GMDS: variants seen among roughly 807,000 people sequenced by gnomAD.
The protein encoded by GMDS is GDP-mannose 4,6-dehydratase.
In GMDS, 20 loss-of-function variants were observed where a neutral mutation model predicts 49.9. The ratio of observed to expected loss-of-function variants is 0.40; its 90% confidence interval spans 0.28 to 0.58. GMDS has a LOEUF of 0.58. Ranked by LOEUF, GMDS falls within the 20% of genes least tolerant of loss-of-function variation. The pLI is 0.42. For missense variants in GMDS, 362 were observed against 481.4 expected, an observed-to-expected ratio of 0.75 and a Z score of 2.32; for synonymous variants, 177 against 178.6, an observed-to-expected ratio of 0.99 and a Z score of 0.07.
chr6:2,219,488 G>T (rs1780486018), intron 1 of GMDS, among the ~76,000 whole-genome samples: 1 of 152,118 alleles, frequency 6.6e-6, no homozygotes, highest in African/African-American at 2.4e-5. Context: ...TAAAGAACTA[G>T]TTATTGTCAG....
At chr6:2,091,868 C>T (rs1482412310) in intron 4 of GMDS, among the ~76,000 whole-genome samples, 2 of 151,732 alleles carry the variant, frequency 1.3e-5, no homozygotes. Flanking sequence ...TGCACTCCAA[C>T]CTGGGCGACA....
intron 7 of GMDS, among the ~76,000 whole-genome samples, chr6:1,835,123 A>G (rs1056337353): frequency 7.2e-5 from 11 of 152,298 alleles, no homozygotes; most frequent in African/African-American, 2.6e-4. Flanking sequence ...CGGGGCAAAT[A>G]ACACGGACGG....
At chr6:2,052,526 T>A (rs564046990) in intron 4 of GMDS, among the ~76,000 whole-genome samples, 1 of 152,282 alleles carries the variant, frequency 6.6e-6, no homozygotes, top group South Asian at 2.1e-4. Context: ...AACTGAAATA[T>A]CTTTGCCATC....
intron 1 of GMDS, among the ~76,000 whole-genome samples, chr6:2,192,903 A>T (rs890276304): frequency 1.3e-5 from 2 of 152,216 alleles, no homozygotes; most frequent in African/African-American, 4.8e-5. Flanking sequence ...TTGGACAAAG[A>T]CACCACTGGC....
At chr6:2,193,925 A>G (rs992447566) in intron 1 of GMDS, among the ~76,000 whole-genome samples, 1 of 151,890 alleles carries the variant, frequency 6.6e-6, no homozygotes, top group Non-Finnish European at 1.5e-5. Flanking sequence ...GGGTTTCACC[A>G]TGTTAGCCAG....
chr6:1,956,817 CTT>C (rs201065361), intron 6 of GMDS, among the ~76,000 whole-genome samples: 4 of 146,880 alleles, frequency 2.7e-5, no homozygotes, highest in Admixed American at 6.8e-5. Flanking sequence ...CATTTATTAG[CTT>C]TTTTTTTTTT....
At chr6:1,848,575 C>T (rs181868279) in intron 7 of GMDS, among the ~76,000 whole-genome samples, 10 of 152,296 alleles carry the variant, frequency 6.6e-5, no homozygotes, top group Non-Finnish European at 1.0e-4. Context: ...TAAGTGACAA[C>T]CATGTGCCCA....
intron 4 of GMDS, among the ~76,000 whole-genome samples, chr6:1,973,415 G>A (rs1484536475): frequency 1.3e-5 from 2 of 152,192 alleles, no homozygotes; most frequent in Non-Finnish European, 2.9e-5. Context: ...TAGCACAGGA[G>A]TGAATAAAGG....
chr6:1,912,261 G>A (rs1252516136), intron 7 of GMDS, among the ~76,000 whole-genome samples: 1 of 152,172 alleles, frequency 6.6e-6, no homozygotes, highest in Admixed American at 6.5e-5. Context: ...AGCTACTTGG[G>A]AGGCTGAGGC....
At chr6:2,093,872 G>C (rs1773453219) in intron 4 of GMDS, among the ~76,000 whole-genome samples, 2 of 151,952 alleles carry the variant, frequency 1.3e-5, no homozygotes, top group African/African-American at 4.8e-5. Flanking sequence ...TGTCACTTTT[G>C]TATTATTAAA....
intron 1 of GMDS, among the ~76,000 whole-genome samples, chr6:2,169,410 C>T (rs1331219414): frequency 6.6e-6 from 1 of 151,900 alleles, no homozygotes; most frequent in African/African-American, 2.4e-5. Flanking sequence ...AGTTCGAGAC[C>T]AGCTTGGCCA....
At position 1,908,267 on chromosome 6, in the gene GMDS, T is replaced by C. The variant is rs867258145; in HGVS notation, c.771+21836A>G. ...AGGTGCACGATTTAAAACTTATGAATTATTTCTGTAATTTCCCATTTAATA... is the reference window on the plus strand; with the variant it reads ...AGGTGCACGATTTAAAACTTATGAACTATTTCTGTAATTTCCCATTTAATA... On this transcript the variant is annotated intron_variant, in intron 7 of 10. Transcript: ENST00000380815. Among the ~76,000 whole-genome samples, 12 of 152,200 alleles carry C rather than the reference T, an allele frequency of 7.9e-5. No homozygotes were observed. In the South Asian group the frequency reaches 1.4e-3, roughly 18 times the overall value.
chr6:1,829,217 G>A (rs970574770), intron 7 of GMDS, among the ~76,000 whole-genome samples: 3 of 152,134 alleles, frequency 2.0e-5, no homozygotes, highest in African/African-American at 7.2e-5. Context: ...AACCTGCACA[G>A]TTCAAACCCA....
intron 7 of GMDS, among the ~76,000 whole-genome samples, chr6:1,924,772 A>C (rs149641265): frequency 6.6e-6 from 1 of 152,322 alleles, no homozygotes; most frequent in Non-Finnish European, 1.5e-5. Flanking sequence ...ACATTGGTTG[A>C]AAATGGCGCA....
intron 7 of GMDS, among the ~76,000 whole-genome samples, chr6:1,792,243 GT>G (rs1236103008): frequency 9.8e-4 from 142 of 144,892 alleles, no homozygotes; most frequent in African/African-American, 3.1e-3. Context: ...TTAACTGTTA[GT>G]TTTTTTTTTT....
chr6:1,746,741 G>T (rs1004232874), intron 7 of GMDS, among the ~76,000 whole-genome samples: 2 of 151,592 alleles, frequency 1.3e-5, no homozygotes, highest in Admixed American at 1.3e-4. Flanking sequence ...TTGCTCTGTC[G>T]CCCAGGCTGG....
chr6:1,739,134 C>T (rs943820993), intron 8 of GMDS, among the ~76,000 whole-genome samples: 1 of 152,230 alleles, frequency 6.6e-6, no homozygotes, highest in Admixed American at 6.5e-5. Context: ...AATATCCTAT[C>T]ACAAAGTTTT....
intron 9 of GMDS, among the ~76,000 whole-genome samples, chr6:1,663,524 T>C (rs1249694101): frequency 6.6e-6 from 1 of 152,204 alleles, no homozygotes; most frequent in Non-Finnish European, 1.5e-5. Context: ...GTACCAGTGA[T>C]GTTTTTGTGA....
chr6:1,661,335 A>G (rs1262163184), intron 9 of GMDS, among the ~76,000 whole-genome samples: 6 of 152,192 alleles, frequency 3.9e-5, no homozygotes, highest in Non-Finnish European at 1.5e-5. Flanking sequence ...TTCTAATAAC[A>G]CGCAAGGACT....
Sources: gnomAD v4.1 joint callset for allele counts (sites outside exome capture counted in the v4.1 genomes callset) on GRCh38, gnomAD v4.1.1 for gene constraint, MANE v1.5 for transcripts, NCBI Gene and HGNC (gene_info 2026-07-23, HGNC 2026-07-21) for gene names.